AGMO: variants seen among roughly 807,000 people sequenced by gnomAD.
AGMO encodes glyceryl-ether monooxygenase.
Under a neutral mutation model 60.2 loss-of-function variants are expected in AGMO, and 75 were observed. The observed-to-expected ratio is 1.25, with a 90% CI of 1.03 to 1.51. The LOEUF is 1.51. Ranked by LOEUF, AGMO falls within the 40% of genes most tolerant of loss-of-function variation. The pLI is 0.00. For missense variants in AGMO, 763 were observed against 525.5 expected (o/e 1.45, Z -4.42); for synonymous variants, 261 against 177.1 (o/e 1.47, Z -3.76).
At position 15,407,232 on chromosome 7, in the gene AGMO, C is replaced by CATATATATAT. The variant is rs60144769; in HGVS notation, c.609+11316_609+11325dup. On this transcript the variant is annotated intron_variant, in intron 5 of 12. Coordinates refer to ENST00000342526, the MANE Select transcript of AGMO (RefSeq NM_001004320.2). ...TTGAAAGGCCCCTTTCTTTGGAATA[C>CATATATATAT]ATATATATATATATATATGTATATA... is the stretch of plus-strand genomic sequence containing the variant. Among the ~76,000 whole-genome samples, 922 of 132,130 alleles carry CATATATATAT rather than the reference C, an allele frequency of 7.0e-3. 8 individuals carry two copies. The highest frequency in any genetic ancestry group is 8.5e-3 in the African/African-American group (321 of 37,738). The allele number at this position is 132,130 out of a possible 152,430, so 86.7% of individuals were successfully genotyped here.
At chr7:15,364,931 G>T (rs10264104) in intron 12 of AGMO, among the ~76,000 whole-genome samples, 1 of 151,936 alleles carries the variant, frequency 6.6e-6, no homozygotes, top group South Asian at 2.1e-4. Context: ...CTAGTGATGA[G>T]AAAATAAATG....
chr7:15,555,010 A>C (rs1785086242), intron 2 of AGMO, among the ~76,000 whole-genome samples: 1 of 151,822 alleles, frequency 6.6e-6, no homozygotes, highest in South Asian at 2.1e-4. Flanking sequence ...TGTCGTTGAA[A>C]ACTCCTAAGA....
intron 12 of AGMO, among the ~76,000 whole-genome samples, chr7:15,309,725 T>C (rs974715188): frequency 5.9e-5 from 9 of 152,164 alleles, no homozygotes; most frequent in Admixed American, 2.6e-4. Flanking sequence ...TAGTTATTAT[T>C]ATATTTATTC....
intron 3 of AGMO, among the ~76,000 whole-genome samples, chr7:15,488,077 T>C (rs979909995): frequency 1.3e-5 from 2 of 152,160 alleles, no homozygotes; most frequent in African/African-American, 4.8e-5. Flanking sequence ...GGAGCACATT[T>C]TATTGCTGGC....
chr7:15,556,430 A>C (rs1785142099), intron 2 of AGMO, among the ~76,000 whole-genome samples: 1 of 151,886 alleles, frequency 6.6e-6, no homozygotes, highest in Admixed American at 6.6e-5. Context: ...TTATCCCTCT[A>C]ACCTATTGCA....
At chr7:15,320,404 A>G (rs1781072345) in intron 12 of AGMO, among the ~76,000 whole-genome samples, 1 of 152,048 alleles carries the variant, frequency 6.6e-6, no homozygotes, top group Non-Finnish European at 1.5e-5. Context: ...ATTCTTTCCC[A>G]ATGTTTCTCA....
At chr7:15,517,024 C>T (rs1195128636) in intron 3 of AGMO, among the ~76,000 whole-genome samples, 1 of 151,462 alleles carries the variant, frequency 6.6e-6, no homozygotes, top group Non-Finnish European at 1.5e-5. Context: ...AGGAAGGAAG[C>T]AGCTTGAACA....
intron 5 of AGMO, among the ~76,000 whole-genome samples, chr7:15,409,458 T>C (rs967709512): frequency 2.6e-5 from 4 of 151,950 alleles, no homozygotes; most frequent in Admixed American, 1.3e-4. Context: ...ACATAAATCA[T>C]AGAATATCAA....
At chr7:15,329,798 G>T (rs1458425902) in intron 12 of AGMO, among the ~76,000 whole-genome samples, 2 of 152,052 alleles carry the variant, frequency 1.3e-5, no homozygotes, top group Admixed American at 6.6e-5. Flanking sequence ...ACTCTCTCTG[G>T]GAATTCAGAT....
intron 2 of AGMO, among the ~76,000 whole-genome samples, chr7:15,550,088 G>C (rs1299337220): frequency 1.3e-5 from 2 of 151,982 alleles, no homozygotes; most frequent in African/African-American, 4.8e-5. Context: ...ACGAAATGAA[G>C]GCAGAAATAA....
chr7:15,288,843 A>G (rs1784175755), intron 12 of AGMO, among the ~76,000 whole-genome samples: 2 of 146,570 alleles, frequency 1.4e-5, no homozygotes, highest in Admixed American at 1.4e-4. Context: ...CTTTAAAAAA[A>G]TAAAAAATAA....
rs188146885 is a variant in AGMO, at chr7:15,396,923, A to T, written c.610-2744T>A. On this transcript the variant is annotated intron_variant, in intron 5 of 12. Coordinates refer to ENST00000342526, the MANE Select transcript of AGMO (RefSeq NM_001004320.2). ...TTTAGCTAGACAGAAAAGTTCTCCAAGTCCCCTCACCTGATTAGTTAGCGA... is the reference window on the plus strand; with the variant it reads ...TTTAGCTAGACAGAAAAGTTCTCCATGTCCCCTCACCTGATTAGTTAGCGA... Among the ~76,000 whole-genome samples the T allele has an allele frequency of 3.2e-3, 489 of 152,312 alleles. 4 individuals carry two copies. The highest frequency in any genetic ancestry group is 0.011 in the African/African-American group (478 of 41,574).
At chr7:15,427,821 T>C (rs1169867928) in intron 4 of AGMO, among the ~76,000 whole-genome samples, 1 of 152,120 alleles carries the variant, frequency 6.6e-6, no homozygotes, top group East Asian at 1.9e-4. Flanking sequence ...TCACTTAAAA[T>C]GGCACTCTAT....
chr7:15,478,242 A>G (rs1179742517), intron 3 of AGMO, among the ~76,000 whole-genome samples: 5 of 152,132 alleles, frequency 3.3e-5, no homozygotes, highest in African/African-American at 1.2e-4. Flanking sequence ...GAATTCATGC[A>G]CTCGACTTGT....
chr7:15,418,017 G>A (rs77222727), intron 5 of AGMO, among the ~76,000 whole-genome samples: 7,918 of 152,078 alleles, frequency 0.052, 262 homozygotes, highest in Non-Finnish European at 0.079. Context: ...TGCCACGGAA[G>A]ACTCTAAAAT....
intron 12 of AGMO, among the ~76,000 whole-genome samples, chr7:15,345,371 C>A (rs538059043): frequency 5.9e-4 from 90 of 152,278 alleles, no homozygotes; most frequent in African/African-American, 1.9e-3. Flanking sequence ...GGTCTGGATG[C>A]CCTCCCTCAT....
At chr7:15,290,308 T>C (rs956191584) in intron 12 of AGMO, among the ~76,000 whole-genome samples, 3 of 152,192 alleles carry the variant, frequency 2.0e-5, no homozygotes, top group African/African-American at 7.2e-5. Context: ...ATTACAGGTG[T>C]GAGCCACTGC....
At chr7:15,140,341 T>C in the AGMO span, among the ~76,000 whole-genome samples, 2 of 152,122 alleles carry the variant, frequency 1.3e-5, no homozygotes, top group African/African-American at 4.8e-5. Context: ...ATTTGTCTTT[T>C]CCCTCTGGCA....
At chr7:15,191,931 T>A in the AGMO span, among the ~76,000 whole-genome samples, 2 of 150,206 alleles carry the variant, frequency 1.3e-5, no homozygotes, top group African/African-American at 4.9e-5. Context: ...AAATCATTGA[T>A]CGAATAAAAT....
Sources: allele counts gnomAD v4.1 joint callset (sites outside exome capture counted in the v4.1 genomes callset), GRCh38; gene constraint gnomAD v4.1.1; transcripts MANE v1.5; gene names NCBI Gene and HGNC (gene_info 2026-07-23, HGNC 2026-07-21).